GRID2: variants seen among roughly 807,000 people sequenced by gnomAD.
GRID2 encodes the protein glutamate receptor ionotropic, delta-2.
In GRID2, 33 loss-of-function variants were observed where a neutral mutation model predicts 114.8. The ratio of observed to expected loss-of-function variants is 0.29; its 90% CI spans 0.22 to 0.38. The LOEUF (loss-of-function observed/expected upper bound fraction) is 0.38, where lower values mean the gene tolerates loss of function less well. Among genes scored for constraint, GRID2 ranks in the 10% least tolerant of loss-of-function variants. The pLI is 1.00. For missense variants in GRID2, 1,184 were observed against 1,257.7 expected (o/e 0.94, Z 0.89); for synonymous variants, 505 against 449.9 (o/e 1.12, Z -1.55).
chr4:92,416,677 A>G (rs1731631904), intron 1 of GRID2, among the ~76,000 whole-genome samples: 2 of 151,972 alleles, frequency 1.3e-5, no homozygotes, highest in Admixed American at 1.3e-4. Flanking sequence ...TTGCCACTTC[A>G]TGTTTTTGTT....
chr4:92,760,237 CAAAA>C (rs982301426), intron 2 of GRID2, among the ~76,000 whole-genome samples: 4 of 38,410 alleles, frequency 1.0e-4, no homozygotes, highest in Non-Finnish European at 2.1e-4. Flanking sequence ...GACTCTGTCT[CAAAA>C]AAAAAAAAAA....
At chr4:92,444,814 G>T (rs554402035) in intron 1 of GRID2, among the ~76,000 whole-genome samples, 27 of 152,176 alleles carry the variant, frequency 1.8e-4, no homozygotes, top group Admixed American at 1.0e-3. Context: ...GTTTATTTTT[G>T]CCCTTACATA....
At chr4:92,711,384 T>C (rs1735241282) in intron 2 of GRID2, among the ~76,000 whole-genome samples, 1 of 152,128 alleles carries the variant, frequency 6.6e-6, no homozygotes. Context: ...AAGAAAATAT[T>C]TACTTTAGGA....
chr4:93,286,593 C>T (rs535329777), intron 8 of GRID2, among the ~76,000 whole-genome samples: 6 of 152,160 alleles, frequency 3.9e-5, no homozygotes, highest in South Asian at 4.1e-4. Context: ...CCAAAACACA[C>T]TGTATCACTT....
intron 1 of GRID2, among the ~76,000 whole-genome samples, chr4:92,468,158 A>G (rs2149093381): frequency 6.6e-6 from 1 of 152,182 alleles, no homozygotes; most frequent in South Asian, 2.1e-4. Context: ...TACAAATGAA[A>G]TACTATTATT....
intron 2 of GRID2, among the ~76,000 whole-genome samples, chr4:92,922,464 G>C (rs886861227): frequency 4.6e-5 from 7 of 152,066 alleles, no homozygotes; most frequent in African/African-American, 1.4e-4. Context: ...GACTGGTGCT[G>C]TTCCTATTCA....
At chr4:93,585,876 C>G (rs929588564) in intron 13 of GRID2, among the ~76,000 whole-genome samples, 1 of 152,080 alleles carries the variant, frequency 6.6e-6, no homozygotes, top group Non-Finnish European at 1.5e-5. Flanking sequence ...GCATATCCAC[C>G]TTTAGTTACT....
At chr4:93,637,194 A>C (rs985323306) in intron 14 of GRID2, among the ~76,000 whole-genome samples, 7 of 152,322 alleles carry the variant, frequency 4.6e-5, no homozygotes, top group Admixed American at 1.3e-4. Context: ...ACTATGCTGT[A>C]GACTAAAATA....
At chr4:92,819,413 G>A (rs1274365087) in intron 2 of GRID2, among the ~76,000 whole-genome samples, 2 of 152,038 alleles carry the variant, frequency 1.3e-5, no homozygotes, top group East Asian at 1.9e-4. Context: ...ACATGTATGG[G>A]GGCGGCATGA....
At chr4:92,458,445 T>G (rs1015726199) in intron 1 of GRID2, among the ~76,000 whole-genome samples, 1 of 152,180 alleles carries the variant, frequency 6.6e-6, no homozygotes, top group Non-Finnish European at 1.5e-5. Context: ...TTTAAACTGC[T>G]TTTAGGAGTC....
chr4:92,971,043 T>G (rs533406199), intron 2 of GRID2, among the ~76,000 whole-genome samples: 1 of 151,958 alleles, frequency 6.6e-6, no homozygotes, highest in East Asian at 1.9e-4. Flanking sequence ...AGAAGAAGAC[T>G]CAGACTTGGC....
intron 1 of GRID2, among the ~76,000 whole-genome samples, chr4:92,487,977 T>C (rs1354963058): frequency 6.6e-6 from 1 of 152,186 alleles, no homozygotes; most frequent in Non-Finnish European, 1.5e-5. Context: ...ATTTATTCTT[T>C]GTTTTTCCTC....
intron 2 of GRID2, among the ~76,000 whole-genome samples, chr4:93,073,423 T>G (rs1225752165): frequency 6.6e-6 from 1 of 152,196 alleles, no homozygotes; most frequent in Non-Finnish European, 1.5e-5. Flanking sequence ...TATTATAAGA[T>G]ACAGTATATA....
intron 2 of GRID2, among the ~76,000 whole-genome samples, chr4:93,000,074 A>G (rs1755444989): frequency 1.3e-5 from 2 of 151,684 alleles, no homozygotes; most frequent in Admixed American, 1.3e-4. Flanking sequence ...AATATTTTGT[A>G]TCCTCAGGGC....
At chr4:92,606,586 T>C (rs1729464197) in intron 2 of GRID2, among the ~76,000 whole-genome samples, 1 of 151,954 alleles carries the variant, frequency 6.6e-6, no homozygotes, top group Non-Finnish European at 1.5e-5. Context: ...ATCACTCTCT[T>C]GAAATTCACT....
At chr4:92,417,964 T>A (rs1323194635) in intron 1 of GRID2, among the ~76,000 whole-genome samples, 53 of 152,176 alleles carry the variant, frequency 3.5e-4, no homozygotes, top group Admixed American at 3.5e-3. Flanking sequence ...CCTTCTGCCA[T>A]GATTGTGAGG....
rs144325619 is a variant in GRID2, at chr4:92,898,984, T to C, written c.245-186011T>C. Among the ~76,000 whole-genome samples the C allele has an allele frequency of 5.8e-4, 88 of 152,236 alleles. No homozygotes were observed. The East Asian group carries it at 0.015, about 25-fold the overall frequency. On this transcript the variant is annotated intron_variant, in intron 2 of 15. Transcript: ENST00000282020. ...GTTTTACACAACATAACATTATAGC[T>C]GTATAGTGAAATAAGTTTGTGTATA...
intron 8 of GRID2, among the ~76,000 whole-genome samples, chr4:93,311,971 A>G (rs1756066605): frequency 6.6e-6 from 1 of 152,184 alleles, no homozygotes; most frequent in African/African-American, 2.4e-5. Flanking sequence ...AGAAAAAGAT[A>G]AATTCATAAT....
intron 12 of GRID2, among the ~76,000 whole-genome samples, chr4:93,511,574 T>C (rs1214836237): frequency 6.6e-6 from 1 of 152,056 alleles, no homozygotes; most frequent in Non-Finnish European, 1.5e-5. Flanking sequence ...TAGACACTCA[T>C]TTTTTTACTG....
Sources: gnomAD v4.1 joint callset for allele counts (sites outside exome capture counted in the v4.1 genomes callset) on GRCh38, gnomAD v4.1.1 for gene constraint, MANE v1.5 for transcripts, NCBI Gene and HGNC (gene_info 2026-07-23, HGNC 2026-07-21) for gene names.